RARB: variants seen among roughly 807,000 people sequenced by gnomAD.
The protein encoded by RARB is HBV-activated protein.
RARB carries 17 observed loss-of-function variants against 51.9 expected under a neutral mutation model. The observed-to-expected ratio is 0.33, with a 90% CI of 0.22 to 0.49. The LOEUF (loss-of-function observed/expected upper bound fraction) is 0.49. Ranked by LOEUF, RARB falls within the 20% of genes least tolerant of loss-of-function variation. The pLI, the probability that RARB is intolerant of heterozygous loss-of-function variation, is 0.99. For missense variants in RARB, 369 were observed against 550.8 expected (o/e 0.67, Z 3.30); for synonymous variants, 215 against 195.4 (o/e 1.10, Z -0.84).
intron 4 of RARB, among the ~76,000 whole-genome samples, chr3:25,166,812 A>G (rs749481365): frequency 1.3e-5 from 2 of 152,206 alleles, no homozygotes; most frequent in Non-Finnish European, 2.9e-5. Context: ...TCCTGTCTCC[A>G]AGCTAGGGTC....
rs540777726 is a variant in RARB at position 24,937,956 on chromosome 3, G to A, written c.-380+79204G>A. Among the ~76,000 whole-genome samples the A allele has an allele frequency of 2.6e-5, 4 of 152,290 alleles. No homozygotes were observed. In the South Asian group the frequency reaches 8.3e-4, roughly 32 times the overall value. On this transcript the variant is annotated intron_variant, in intron 2 of 11. Coordinates refer to the RARB transcript ENST00000383772. ...TGAGGAGACCGCACATGAGAAGGGT[G>A]ACTGTATTTACTGATGACTCACTTG...
chr3:24,999,594 T>G (rs1342274680), intron 2 of RARB, among the ~76,000 whole-genome samples: 1 of 152,154 alleles, frequency 6.6e-6, no homozygotes, highest in African/African-American at 2.4e-5. Flanking sequence ...CACAGGTGTT[T>G]CTTAGACTGC....
chr3:25,449,515 C>A (rs6777544), intron 1 of RARB, among the ~76,000 whole-genome samples: 2 of 152,008 alleles, frequency 1.3e-5, no homozygotes, highest in African/African-American at 2.4e-5. Context: ...AACTTCCTGC[C>A]AGGGACAGCT....
At chr3:25,041,042 T>A (rs773683392) in intron 2 of RARB, among the ~76,000 whole-genome samples, 1 of 152,226 alleles carries the variant, frequency 6.6e-6, no homozygotes, top group South Asian at 2.1e-4. Context: ...ATCTACTGAA[T>A]GTATGGAATG....
intron 5 of RARB, among the ~76,000 whole-genome samples, chr3:25,185,917 C>T (rs1575204249): frequency 6.6e-6 from 1 of 152,106 alleles, no homozygotes. Flanking sequence ...AGGCTAACAT[C>T]ATCTTTAGTA....
At position 24,911,999 on chromosome 3, in the gene RARB, G is replaced by A. The variant is rs79554799; in HGVS notation, c.-380+53247G>A. Among the ~76,000 whole-genome samples the A allele has an allele frequency of 8.6e-3, 1,304 of 152,278 alleles. 15 individuals are homozygous for A. Among genetic ancestry groups the A allele is most frequent in the African/African-American group, 0.029 (1,212 of 41,532 alleles). Reference sequence around the variant, plus strand: ...TTTAAAGAAGTTCAAGTCTCCAGACGTGCAATGATAAAAAAACATGAGCAT... The same window carrying A: ...TTTAAAGAAGTTCAAGTCTCCAGACATGCAATGATAAAAAAACATGAGCAT... On this transcript the variant is annotated intron_variant, in intron 2 of 11. Coordinates refer to the RARB transcript ENST00000383772.
intron 4 of RARB, among the ~76,000 whole-genome samples, chr3:25,134,365 T>C (rs2125334366): frequency 6.6e-6 from 1 of 152,078 alleles, no homozygotes; most frequent in South Asian, 2.1e-4. Context: ...GCTGCTTGGG[T>C]TTCCATCTAG....
intron 2 of RARB, among the ~76,000 whole-genome samples, chr3:25,473,857 AAAGC>A (rs1325403488): frequency 7.0e-6 from 1 of 142,310 alleles, no homozygotes; most frequent in Non-Finnish European, 1.5e-5. Context: ...CAATAAGAAA[AAAGC>A]AAGATCTTCG....
At chr3:25,294,784 T>C (rs1703879496) in intron 5 of RARB, among the ~76,000 whole-genome samples, 2 of 149,452 alleles carry the variant, frequency 1.3e-5, no homozygotes, top group African/African-American at 5.0e-5. Context: ...CTCCTACTGT[T>C]TCTGTAAAAG....
Position 25,213,490 on chromosome 3 carries a change from A to G in RARB, c.178+38915A>G, listed in dbSNP as rs191374527. 5.7e-4 allele frequency among the ~76,000 whole-genome samples: 86 copies of G among 152,194 alleles called. 1 individual carries two copies. Among genetic ancestry groups the G allele is most frequent in the Admixed American group, 2.2e-3 (34 of 15,296 alleles). Reference sequence around the variant, plus strand: ...TTGCTTTGACATTTGGGAAGTTTCCATTTTTGAAGCATTACCAATAAGGCA... The same window carrying G: ...TTGCTTTGACATTTGGGAAGTTTCCGTTTTTGAAGCATTACCAATAAGGCA... On this transcript the variant is annotated intron_variant, in intron 5 of 11. Coordinates refer to the RARB transcript ENST00000383772.
chr3:25,351,162 C>T (rs774947825), intron 5 of RARB, among the ~76,000 whole-genome samples: 1 of 152,092 alleles, frequency 6.6e-6, no homozygotes, highest in African/African-American at 2.4e-5. Flanking sequence ...CTATTCATGC[C>T]TAAAAAGAGG....
At chr3:25,183,860 T>C (rs1027711331) in intron 5 of RARB, among the ~76,000 whole-genome samples, 3 of 152,108 alleles carry the variant, frequency 2.0e-5, no homozygotes, top group African/African-American at 7.2e-5. Context: ...AGAGCTAATT[T>C]TGTTATGTAA....
chr3:25,102,966 A>G (rs1016462530), intron 3 of RARB, among the ~76,000 whole-genome samples: 4 of 152,092 alleles, frequency 2.6e-5, no homozygotes, highest in Non-Finnish European at 5.9e-5. Context: ...AGGAGAATCA[A>G]TTGAACCCAG....
intron 1 of RARB, chr3:25,441,447 G>A: frequency 5.4e-6 from 1 of 183,742 alleles, no homozygotes; most frequent in Non-Finnish European, 1.2e-5. Context: ...AGTAGAGGGC[G>A]CACTCTCGTG....
At chr3:25,495,200 T>G (rs548101455) in intron 2 of RARB, among the ~76,000 whole-genome samples, 1 of 152,252 alleles carries the variant, frequency 6.6e-6, no homozygotes, top group African/African-American at 2.4e-5. Flanking sequence ...GAAACGGGGT[T>G]CATGTGTGAA....
intron 5 of RARB, among the ~76,000 whole-genome samples, chr3:25,248,072 A>G (rs980692368): frequency 6.6e-6 from 1 of 152,136 alleles, no homozygotes; most frequent in South Asian, 2.1e-4. Flanking sequence ...GGATGAATAT[A>G]TGGTTCAGGA....
chr3:25,180,977 A>G (rs1226849966), intron 5 of RARB, among the ~76,000 whole-genome samples: 1 of 152,110 alleles, frequency 6.6e-6, no homozygotes, highest in Non-Finnish European at 1.5e-5. Flanking sequence ...TGCCAACTGG[A>G]AAAGGGAAAT....
intron 2 of RARB, among the ~76,000 whole-genome samples, chr3:25,038,512 C>A: frequency 6.6e-6 from 1 of 152,082 alleles, no homozygotes; most frequent in East Asian, 1.9e-4. Context: ...ATATATAGGT[C>A]ATTGTGGCCC....
At chr3:25,437,520 T>A (rs1457961131) in intron 1 of RARB, among the ~76,000 whole-genome samples, 3 of 152,140 alleles carry the variant, frequency 2.0e-5, no homozygotes, top group Non-Finnish European at 1.5e-5. Context: ...GAACTCATGA[T>A]ATAATGGGAA....
Sources: gnomAD v4.1 joint callset for allele counts (sites outside exome capture counted in the v4.1 genomes callset) on GRCh38, gnomAD v4.1.1 for gene constraint, MANE v1.5 for transcripts, NCBI Gene and HGNC (gene_info 2026-07-23, HGNC 2026-07-21) for gene names.